The following SLC25A48 variants were observed in gnomAD, a reference collection of about 807,000 sequenced individuals.
The protein encoded by SLC25A48 is solute carrier family 25 member 48.
Under a neutral mutation model 32.2 loss-of-function variants are expected in SLC25A48, and 29 were observed. The observed-to-expected ratio is 0.90, with a 90% CI of 0.67 to 1.23. The LOEUF (loss-of-function observed/expected upper bound fraction) is 1.23, where lower values mean the gene tolerates loss of function less well. Among genes scored for constraint, SLC25A48 ranks in the 50% most tolerant of loss-of-function variants. The probability of loss-of-function intolerance (pLI) is 0.00; values close to 1 mark genes in which losing one functional copy is unlikely to be tolerated. For missense variants in SLC25A48, 399 were observed against 422.7 expected (o/e 0.94, Z 0.49); for synonymous variants, 164 against 172.3 (o/e 0.95, Z 0.38).
intron 4 of SLC25A48, among the ~76,000 whole-genome samples, chr5:135,862,160 A>G (rs1052085029): frequency 6.6e-6 from 1 of 152,272 alleles, no homozygotes; most frequent in African/African-American, 2.4e-5. Flanking sequence ...AGCCTGAGCT[A>G]GAAGTCAGGG....
intron 3 of SLC25A48, among the ~76,000 whole-genome samples, chr5:135,683,651 G>A (rs1020571203): frequency 1.6e-4 from 25 of 152,268 alleles, no homozygotes; most frequent in Admixed American, 1.5e-3. Flanking sequence ...CAGCTTCCTA[G>A]GAATGGACCT....
At chr5:135,693,829 G>T (rs1400660002) in intron 3 of SLC25A48, among the ~76,000 whole-genome samples, 1 of 152,224 alleles carries the variant, frequency 6.6e-6, no homozygotes, top group Admixed American at 6.5e-5. Flanking sequence ...AATGAGGCCT[G>T]CTGGGTCCCT....
intron 1 of SLC25A48, among the ~76,000 whole-genome samples, chr5:135,582,680 A>G (rs147757974): frequency 2.6e-5 from 4 of 152,254 alleles, no homozygotes; most frequent in Admixed American, 6.5e-5. Flanking sequence ...AGCACCTGCC[A>G]TGCTCCCCAC....
At chr5:135,837,571 T>A (rs1214944854) in intron 1 of SLC25A48, among the ~76,000 whole-genome samples, 1 of 152,190 alleles carries the variant, frequency 6.6e-6, no homozygotes, top group East Asian at 1.9e-4. Flanking sequence ...TAATTCCACA[T>A]GTCATGGGAG....
At chr5:135,875,908 T>C (rs1320111407) in intron 6 of SLC25A48, 2 of 152,218 alleles carry the variant, frequency 1.3e-5, no homozygotes, top group East Asian at 1.9e-4. Context: ...CAGGATATCA[T>C]AGCATGTGAG....
chr5:135,834,811 T>TG lies in SLC25A48; in HGVS notation c.-36dup, dbSNP rs1450407540. Reference sequence around the variant, plus strand: ...TGCCCCACTGACTCTAAGTGGGCACTGCCCCGGCTCCGGGAGGGCGAGACC... The same window carrying TG: ...TGCCCCACTGACTCTAAGTGGGCACTGGCCCCGGCTCCGGGAGGGCGAGACC... On this transcript the variant is annotated 5_prime_UTR_variant, in exon 1 of 8. Coordinates refer to ENST00000681962, the MANE Select transcript of SLC25A48 (RefSeq NM_001349336.2). 6.4e-7 allele frequency: 1 copy of TG among 1,563,220 alleles called. No homozygotes were observed. Among genetic ancestry groups the TG allele is most frequent in the Non-Finnish European group, 8.7e-7 (1 of 1,154,822 alleles).
intron 4 of SLC25A48, among the ~76,000 whole-genome samples, chr5:135,855,970 G>A (rs1488163630): frequency 1.3e-5 from 2 of 152,184 alleles, no homozygotes; most frequent in Non-Finnish European, 2.9e-5. Context: ...CTCCTTGCTG[G>A]GAAAGAGTTT....
chr5:135,878,953 G>T (rs1347071599), intron 6 of SLC25A48, among the ~76,000 whole-genome samples: 1 of 152,136 alleles, frequency 6.6e-6, no homozygotes, highest in Non-Finnish European at 1.5e-5. Flanking sequence ...AAGGGGCCTT[G>T]TCTCTGCTAA....
chr5:135,879,022 C>T (rs964095070), intron 6 of SLC25A48, among the ~76,000 whole-genome samples: 1 of 152,106 alleles, frequency 6.6e-6, no homozygotes, highest in Non-Finnish European at 1.5e-5. Flanking sequence ...ACACACAACA[C>T]CAAGCAAGAA....
At chr5:135,756,712 G>C (rs1036957044) in intron 3 of SLC25A48, among the ~76,000 whole-genome samples, 1 of 150,944 alleles carries the variant, frequency 6.6e-6, no homozygotes, top group East Asian at 1.9e-4. Flanking sequence ...AATATGTAGT[G>C]TTAACACACA....
At chr5:135,865,181 TG>T (rs985488295) in intron 4 of SLC25A48, among the ~76,000 whole-genome samples, 14 of 152,206 alleles carry the variant, frequency 9.2e-5, no homozygotes, top group Admixed American at 9.2e-4. Context: ...ATCTCTTGCA[TG>T]GGGTTGTACA....
intron 3 of SLC25A48, among the ~76,000 whole-genome samples, chr5:135,737,920 G>A (rs753603939): frequency 2.0e-5 from 3 of 152,106 alleles, no homozygotes; most frequent in East Asian, 1.9e-4. Flanking sequence ...GGCTGGCCTC[G>A]GGCACCTTCT....
intron 3 of SLC25A48, among the ~76,000 whole-genome samples, chr5:135,797,015 G>A (rs903010652): frequency 3.3e-5 from 5 of 151,684 alleles, no homozygotes; most frequent in Admixed American, 2.6e-4. Flanking sequence ...AATATCCAGG[G>A]GAGAAAAGGA....
At chr5:135,769,274 A>C (rs370630066) in intron 3 of SLC25A48, among the ~76,000 whole-genome samples, 1 of 150,846 alleles carries the variant, frequency 6.6e-6, no homozygotes, top group African/African-American at 2.4e-5. Context: ...GGGGAGAATG[A>C]TATTACTGAC....
In SLC25A48 at chr5:135,706,817, C is replaced by T. The variant is rs538390527; in HGVS notation, c.-521+71861C>T. 1.6e-4 allele frequency among the ~76,000 whole-genome samples: 25 copies of T among 152,308 alleles called. No homozygotes were observed. The East Asian group carries it at 3.7e-3, about 22-fold the overall frequency. ...GACAGGCAGGTCATGACACATGTCA[C>T]GAAAGAGATGAGGAACACTGTCAGG... On this transcript the variant is annotated intron_variant, in intron 3 of 10. Coordinates refer to the SLC25A48 transcript ENST00000646290.
chr5:135,862,507 C>T (rs987807070), intron 4 of SLC25A48, among the ~76,000 whole-genome samples: 5 of 152,192 alleles, frequency 3.3e-5, no homozygotes, highest in Admixed American at 3.3e-4. Context: ...GAGGCAGACA[C>T]AGTGGGTAAA....
Position 135,871,454 on chromosome 5 carries a change from T to C in SLC25A48, c.422-7T>C, listed in dbSNP as rs765513534. ...CACTTGCCACCTTCTCTCCCCTGTC[T>C]TTGCAGCCAACCTCGGTTTGAAGTC... On this transcript the variant is annotated splice_region_variant and splice_polypyrimidine_tract_variant and intron_variant, in intron 4 of 7. Transcript: ENST00000681962. 7 of 1,576,710 alleles carry C rather than the reference T, an allele frequency of 4.4e-6. No homozygotes were observed. The Admixed American group carries it at 1.2e-4, about 27-fold the overall frequency.
chr5:135,746,834 T>A lies in SLC25A48; in HGVS notation c.-520-65689T>A, dbSNP rs977533760. Reference sequence around the variant, plus strand: ...TGGAGTTACGTCTCTTTGGTCTCCTTTAATTCAGATCAGTCCTTCCTTTTT... The same window carrying A: ...TGGAGTTACGTCTCTTTGGTCTCCTATAATTCAGATCAGTCCTTCCTTTTT... On this transcript the variant is annotated intron_variant, in intron 3 of 10. Transcript: ENST00000646290. Among the ~76,000 whole-genome samples the A allele has an allele frequency of 6.6e-5, 10 of 152,188 alleles. No homozygotes were observed. The South Asian group carries it at 2.1e-3, about 31-fold the overall frequency.
chr5:135,819,014 A>G (rs75423543), intron 4 of SLC25A48, among the ~76,000 whole-genome samples: 19,894 of 152,124 alleles, frequency 0.13, 1,707 homozygotes, highest in Non-Finnish European at 0.19. Flanking sequence ...ATAGATCCAT[A>G]TGATTTACAC....
Sources: allele counts gnomAD v4.1 joint callset (sites outside exome capture counted in the v4.1 genomes callset), GRCh38; gene constraint gnomAD v4.1.1; transcripts MANE v1.5; gene names NCBI Gene and HGNC (gene_info 2026-07-23, HGNC 2026-07-21).